Variants in KLHDC4 observed in about 807,000 individuals in gnomAD.
The protein encoded by KLHDC4 is kelch domain containing 4.
KLHDC4 carries 90 observed loss-of-function variants against 62.4 expected under a neutral mutation model. That is an observed-to-expected ratio of 1.44 (90% CI 1.22 to 1.72). The LOEUF is 1.72. Among genes scored for constraint, KLHDC4 ranks in the 40% most tolerant of loss-of-function variants. The pLI is 0.00. For missense variants in KLHDC4, 1,025 were observed against 699.7 expected (o/e 1.47, Z -5.25); for synonymous variants, 386 against 284.4 (o/e 1.36, Z -3.59).
chr16:87,705,159 G>C (rs975496465), downstream of KLHDC4, among the ~76,000 whole-genome samples: 1 of 152,250 alleles, frequency 6.6e-6, no homozygotes, highest in African/African-American at 2.4e-5. Flanking sequence ...ACGTGGCACC[G>C]AGTACGGCGT....
chr16:87,715,861 T>C (rs571443609), intron 7 of KLHDC4, among the ~76,000 whole-genome samples: 10 of 152,220 alleles, frequency 6.6e-5, no homozygotes, highest in Non-Finnish European at 1.3e-4. Flanking sequence ...GTCGCAGGGG[T>C]AGTGACACAG....
At chr16:87,699,038 C>T (rs1259221099) in exon 1 of KLHDC4, 1 of 152,246 alleles carries the variant, frequency 6.6e-6, no homozygotes, top group Admixed American at 6.5e-5. Flanking sequence ...TGTGGACAGC[C>T]CATGGGCCAG....
At chr16:87,758,089 G>C (rs756130791) in intron 2 of KLHDC4, among the ~76,000 whole-genome samples, 17 of 152,198 alleles carry the variant, frequency 1.1e-4, no homozygotes, top group Non-Finnish European at 2.1e-4. Flanking sequence ...GGTCAAGTGA[G>C]TTTGGGAAAT....
intron 5 of KLHDC4, among the ~76,000 whole-genome samples, chr16:87,747,984 A>C (rs2143044116): frequency 6.6e-6 from 1 of 152,352 alleles, no homozygotes; most frequent in Admixed American, 6.5e-5. Context: ...TGGCCGCAGC[A>C]ATCGAGCCAG....
intron 7 of KLHDC4, among the ~76,000 whole-genome samples, chr16:87,717,614 T>C (rs536428997): frequency 4.6e-5 from 7 of 152,382 alleles, no homozygotes; most frequent in African/African-American, 1.4e-4. Context: ...CAGACAGTGA[T>C]TGAGACTAGT....
downstream of KLHDC4, chr16:87,707,809 T>C: frequency 2.6e-6 from 1 of 384,526 alleles, no homozygotes; most frequent in East Asian, 7.3e-5. Flanking sequence ...CCCTCCGCGG[T>C]GGTCTTGTTT....
At chr16:87,753,756 G>A (rs1189781977) in intron 4 of KLHDC4, among the ~76,000 whole-genome samples, 1 of 148,460 alleles carries the variant, frequency 6.7e-6, no homozygotes, top group Non-Finnish European at 1.5e-5. Context: ...AGCCAAGATC[G>A]CGCCACTGCA....
At chr16:87,738,640 A>G (rs1263052824) in intron 5 of KLHDC4, among the ~76,000 whole-genome samples, 8 of 125,174 alleles carry the variant, frequency 6.4e-5, no homozygotes, top group Non-Finnish European at 1.3e-4. Context: ...CCAGCATCTC[A>G]TCCATCCACA....
intron 7 of KLHDC4, among the ~76,000 whole-genome samples, chr16:87,716,043 A>G (rs1227469744): frequency 1.3e-5 from 2 of 152,018 alleles, no homozygotes; most frequent in African/African-American, 2.4e-5. Context: ...GGTAGGCTCT[A>G]TGTCTCGTAG....
Position 87,765,848 on chromosome 16 carries a change from C to A in KLHDC4, c.43G>T (p.Glu15Ter). The A allele has an allele frequency of 6.4e-7, 1 of 1,554,924 alleles. No homozygotes were observed. The highest frequency in any genetic ancestry group is 2.4e-5 in the East Asian group (1 of 41,564). The change falls in exon 1 of 12, where the codon GAG (glutamate) becomes TAG (stop). Residue 15 changes from glutamate (E) to a stop codon, truncating the protein, a stop_gained. Coordinates refer to ENST00000270583, the MANE Select transcript of KLHDC4 (RefSeq NM_017566.4). LOFTEE classifies it high-confidence loss of function. ...GKKEKKGRGA[E>*]KTAAKMEKKV... ...TTCTCCATCTTGGCGGCCGTCTTCTCCGCGCCGCGGCCCTTCTTCTCCTTC... is the reference window on the plus strand; with the variant it reads ...TTCTCCATCTTGGCGGCCGTCTTCTACGCGCCGCGGCCCTTCTTCTCCTTC...
intron 7 of KLHDC4, among the ~76,000 whole-genome samples, chr16:87,720,214 G>A (rs1390510161): frequency 6.6e-6 from 1 of 152,198 alleles, no homozygotes; most frequent in African/African-American, 2.4e-5. Flanking sequence ...GTAGATAAAG[G>A]CCGGGGAGCG....
chr16:87,751,866 G>A (rs1027946509), intron 4 of KLHDC4, among the ~76,000 whole-genome samples: 2 of 151,880 alleles, frequency 1.3e-5, no homozygotes, highest in African/African-American at 4.8e-5. Flanking sequence ...GAGGCCAGGA[G>A]ATTAAGACCA....
chr16:87,746,481 T>C (rs1342513234), intron 5 of KLHDC4, among the ~76,000 whole-genome samples: 1 of 152,122 alleles, frequency 6.6e-6, no homozygotes, highest in Admixed American at 6.6e-5. Flanking sequence ...TGTGTCTCCT[T>C]ATCAGACGCA....
rs565285781 is a variant in KLHDC4 at position 87,734,214 on chromosome 16, G to A, written c.507-3570C>T. 1.1e-3 allele frequency among the ~76,000 whole-genome samples: 165 copies of A among 152,238 alleles called. 1 individual carries two copies. The South Asian group carries it at 0.019, about 18-fold the overall frequency. The stretch of plus-strand genomic sequence containing the variant: ...ACAGTAATTAGCTTGGCGTCGTGGA[G>A]GCACCTGTAATGCCAGCTACTCAGG... On this transcript the variant is annotated intron_variant, in intron 5 of 11. Coordinates refer to ENST00000270583, the MANE Select transcript of KLHDC4 (RefSeq NM_017566.4).
chr16:87,706,014 T>C (rs867323066), downstream of KLHDC4, among the ~76,000 whole-genome samples: 3 of 130,732 alleles, frequency 2.3e-5, no homozygotes, highest in Admixed American at 7.6e-5. Context: ...TCTCAGGGGG[T>C]TGGCACAAGG....
chr16:87,738,215 G>C (rs112396485), intron 5 of KLHDC4, among the ~76,000 whole-genome samples: 5 of 152,126 alleles, frequency 3.3e-5, no homozygotes, highest in African/African-American at 9.7e-5. Flanking sequence ...CTACAGAATC[G>C]TAAAGTAACG....
chr16:87,715,329 C>G (rs1453871635), intron 7 of KLHDC4, among the ~76,000 whole-genome samples: 1 of 152,196 alleles, frequency 6.6e-6, no homozygotes, highest in Non-Finnish European at 1.5e-5. Context: ...ACCGAGAGCT[C>G]TCACACGCCC....
chr16:87,748,838 C>T (rs775296184), intron 4 of KLHDC4, 29 bp from the exon 5 acceptor site: 5 of 1,610,170 alleles, frequency 3.1e-6, no homozygotes, highest in Admixed American at 1.7e-5. Flanking sequence ...CAGGTCAGGG[C>T]ACAGCCACAC....
At chr16:87,739,302 C>T (rs1346429208) in intron 5 of KLHDC4, among the ~76,000 whole-genome samples, 1 of 134,942 alleles carries the variant, frequency 7.4e-6, no homozygotes, top group Admixed American at 7.2e-5. Flanking sequence ...TCCATCCACA[C>T]ACCAGCACCT....
Sources: gnomAD v4.1 joint callset for allele counts (sites outside exome capture counted in the v4.1 genomes callset) on GRCh38, gnomAD v4.1.1 for gene constraint, MANE v1.5 for transcripts, NCBI Gene and HGNC (gene_info 2026-07-23, HGNC 2026-07-21) for gene names.